MAP4K1: variants seen among roughly 807,000 people sequenced by gnomAD.
The protein encoded by MAP4K1 is MAPK/ERK kinase kinase kinase 1.
Under a neutral mutation model 122.8 loss-of-function variants are expected in MAP4K1, and 35 were observed. The ratio of observed to expected loss-of-function variants is 0.29; its 90% CI spans 0.22 to 0.38. The LOEUF (loss-of-function observed/expected upper bound fraction) is 0.38. MAP4K1 is among the 10% of genes least tolerant of loss of function. The pLI is 1.00. For missense variants in MAP4K1, 791 were observed against 1,072.6 expected (o/e 0.74, Z 3.67); for synonymous variants, 412 against 421.3 (o/e 0.98, Z 0.27).
rs374079126 is a variant in MAP4K1 at position 38,605,686 on chromosome 19, C to T, written c.1245G>A (p.Gly415=). 2.3e-4 allele frequency: 367 copies of T among 1,606,994 alleles called. No individual in the cohort carries two copies. Among genetic ancestry groups the T allele is most frequent in the Non-Finnish European group, 3.0e-4 (350 of 1,178,530 alleles). ...CCCCCGGGCTCAGCTGCCCATCATCCCCCATGCTCCCAGGACCCTCGTCTG... is the reference window on the plus strand; with the variant it reads ...CCCCCGGGCTCAGCTGCCCATCATCTCCCATGCTCCCAGGACCCTCGTCTG... The part of the protein sequence containing the change: ...SPSDEGPGSM[G]DDGQLSPGVL... The change falls in exon 18 of 31, where the codon GGG becomes GGA. Residue 415 remains glycine (G), a synonymous_variant. Coordinates refer to ENST00000396857, the MANE Select transcript of MAP4K1 (RefSeq NM_001042600.3).
At chr19:38,616,121 A>C in intron 4 of MAP4K1, 74 bp downstream of exon 4, 1 of 1,056,264 alleles carries the variant, frequency 9.5e-7, no homozygotes, top group Non-Finnish European at 1.4e-6. Context: ...CAGAGACGGA[A>C]GAGGTGAATT....
rs1380713950 is a variant in MAP4K1 at position 38,614,104 on chromosome 19, A to G, written c.418-19T>C. On this transcript the variant is annotated intron_variant, in intron 6 of 30. Transcript: ENST00000396857. ...TAGCTCCCTGGGAATGAGAGGGGAT[A>G]TGGGAGGCTGCAGAGACTCTCCCCA... 2 of 1,612,832 alleles carry G rather than the reference A, an allele frequency of 1.2e-6. No homozygotes were observed. Among genetic ancestry groups the G allele is most frequent in the South Asian group, 1.1e-5 (1 of 91,030 alleles).
At chr19:38,591,691 C>T (rs1974731874) in intron 30 of MAP4K1, among the ~76,000 whole-genome samples, 1 of 151,464 alleles carries the variant, frequency 6.6e-6, no homozygotes, top group Non-Finnish European at 1.5e-5. Context: ...GCAGCCAGGG[C>T]TGGGCACGGT....
chr19:38,601,079 T>C (rs1238484191), intron 20 of MAP4K1, among the ~76,000 whole-genome samples: 3 of 152,110 alleles, frequency 2.0e-5, no homozygotes, highest in Non-Finnish European at 4.4e-5. Flanking sequence ...GTGCTGGGAT[T>C]ACAGGCGTGA....
At position 38,597,890 on chromosome 19, in the gene MAP4K1, G is replaced by T. The variant is rs955973734; in HGVS notation, c.1670-296C>A. Among the ~76,000 whole-genome samples, 2 of 152,138 alleles carry T rather than the reference G, an allele frequency of 1.3e-5. No homozygotes were observed. Among genetic ancestry groups the T allele is most frequent in the African/African-American group, 2.4e-5 (1 of 41,432 alleles). On this transcript the variant is annotated intron_variant, in intron 22 of 30. Coordinates refer to ENST00000396857, the MANE Select transcript of MAP4K1 (RefSeq NM_001042600.3). This position sits in a 1 kb window ranked among gnomAD's most constrained non-coding sequence, Gnocchi z 4.6. ...ACTCTGGACACATAACCAGTCAGAT[G>T]AAGTTACACATCTTACAAAGTTTTA...
chr19:38,603,171 C>T (rs917211313), intron 19 of MAP4K1, among the ~76,000 whole-genome samples: 1 of 149,068 alleles, frequency 6.7e-6, no homozygotes, highest in East Asian at 2.0e-4. Context: ...TACATATATA[C>T]ACATGTACAT....
chr19:38,609,463 G>T, intron 13 of MAP4K1, 133 bp downstream of exon 13: 1 of 787,784 alleles, frequency 1.3e-6, no homozygotes, highest in Non-Finnish European at 2.1e-6. Flanking sequence ...TTCAGGTGCT[G>T]ATGAGATTGT....
rs780320926 is a variant in MAP4K1, at chr19:38,597,354, G to A, written c.1809C>T (p.Asp603=). ...RKNMVSTKIQ[D]TKGCRACCVA... is the part of the protein sequence containing the mutation. ...CACAGCACGCCCGGCAGCCTTTGGT[G>A]TCCTGGATCTTGGTGGAAACCATGT... Residue 603 remains aspartate (D), a synonymous_variant, in exon 24 of 31, where the codon GAC becomes GAT. Transcript: ENST00000396857. This position sits in a 1 kb window ranked among gnomAD's most constrained non-coding sequence, Gnocchi z 4.6. The A allele has an allele frequency of 6.2e-6, 10 of 1,614,074 alleles. No individual in the cohort carries two copies. Among genetic ancestry groups the A allele is most frequent in the Non-Finnish European group, 8.5e-6 (10 of 1,180,048 alleles).
In MAP4K1 at chr19:38,614,046, A is replaced by G. The variant is rs1308055897; in HGVS notation, c.457T>C (p.Leu153=). 5.7e-6 allele frequency: 9 copies of G among 1,571,408 alleles called. No homozygotes were observed. Among genetic ancestry groups the G allele is most frequent in the African/African-American group, 1.4e-5 (1 of 72,204 alleles). ...CTCAACCCCCAGCCTTACTCACCCA[A>G]TCTGACCTCCCCAGCATCATTGATG... The part of the protein sequence containing the change: ...ILINDAGEVR[L]ADFGISAQIG... The change falls in exon 7 of 31, where the codon TTG becomes CTG. Residue 153 remains leucine (L), a synonymous_variant. Coordinates refer to ENST00000396857, the MANE Select transcript of MAP4K1 (RefSeq NM_001042600.3).
rs1330255678 is a variant in MAP4K1 at position 38,612,631 on chromosome 19, G to C, written c.645C>G (p.Leu215=). 6.2e-7 allele frequency: 1 copy of C among 1,613,274 alleles called. No homozygotes were observed. Among genetic ancestry groups the C allele is most frequent in the Non-Finnish European group, 8.5e-7 (1 of 1,179,900 alleles). The change falls in exon 9 of 31, where the codon CTC becomes CTG. Residue 215 remains leucine, a synonymous_variant. Coordinates refer to ENST00000396857, the MANE Select transcript of MAP4K1 (RefSeq NM_001042600.3). Reference sequence around the variant, plus strand: ...CCTACCTGAGAGGGTGCACATCAAAGAGCGGTGGCTGTAGCTCGGCCAGTT... The same window carrying C: ...CCTACCTGAGAGGGTGCACATCAAACAGCGGTGGCTGTAGCTCGGCCAGTT... ...AIELAELQPP[L]FDVHPLRVLF...
chr19:38,602,619 CAT>C (rs1042207812), intron 19 of MAP4K1, among the ~76,000 whole-genome samples: 15 of 145,338 alleles, frequency 1.0e-4, no homozygotes, highest in East Asian at 2.0e-4. Flanking sequence ...TATATATACA[CAT>C]ATACATATAT....
intron 3 of MAP4K1, 95 bp from the exon 4 acceptor site, chr19:38,616,354 T>C: frequency 3.3e-6 from 3 of 896,968 alleles, no homozygotes; most frequent in Non-Finnish European, 5.1e-6. Flanking sequence ...TCTAGTTCAA[T>C]AAGAACTTTA....
Position 38,595,552 on chromosome 19 carries a change from A to G in MAP4K1, c.2273T>C (p.Met758Thr), listed in dbSNP as rs374399873. The change falls in exon 29 of 31, where the codon ATG (methionine) becomes ACG (threonine). Residue 758 changes from methionine (M) to threonine (T), a missense_variant. Met to Thr is a moderately conservative substitution (Grantham distance 81). Transcript: ENST00000396857. ...PMTEAVEAVA[M>T]VGGQLQAFWK... is the part of the protein sequence containing the mutation. Reference sequence around the variant, plus strand: ...GAAGGCCTGAAGCTGACCTCCAACCATAGCTGGGGAGAAAGCAATGCCCGT... The same window carrying G: ...GAAGGCCTGAAGCTGACCTCCAACCGTAGCTGGGGAGAAAGCAATGCCCGT... 3 of 1,613,902 alleles carry G rather than the reference A, an allele frequency of 1.9e-6. No homozygotes were observed. The highest frequency in any genetic ancestry group is 1.7e-5 in the Admixed American group (1 of 59,964).
At chr19:38,591,940 C>T (rs893740024) in intron 30 of MAP4K1, among the ~76,000 whole-genome samples, 4 of 146,736 alleles carry the variant, frequency 2.7e-5, no homozygotes, top group African/African-American at 1.0e-4. Context: ...CACCGCATTC[C>T]AGGCTGGGCA....
chr19:38,603,666 C>T (rs551042906), intron 19 of MAP4K1, among the ~76,000 whole-genome samples: 1 of 152,116 alleles, frequency 6.6e-6, no homozygotes, highest in African/African-American at 2.4e-5. Context: ...GAGACCCTGC[C>T]TCTATAAAAC....
intron 8 of MAP4K1, among the ~76,000 whole-genome samples, chr19:38,613,169 G>C (rs1030687046): frequency 5.3e-5 from 8 of 151,982 alleles, no homozygotes; most frequent in African/African-American, 1.7e-4. Flanking sequence ...TTAGCCGGGC[G>C]TGGTGGCAGG....
chr19:38,597,205 C>G lies in MAP4K1; in HGVS notation c.1838-68G>C. The G allele has an allele frequency of 6.3e-7, 1 of 1,596,784 alleles. No individual in the cohort carries two copies. The highest frequency in any genetic ancestry group is 1.7e-5 in the Admixed American group (1 of 59,994). On this transcript the variant is annotated intron_variant, in intron 24 of 30. Coordinates refer to ENST00000396857, the MANE Select transcript of MAP4K1 (RefSeq NM_001042600.3). The surrounding 1 kb of genome is among the most constrained non-coding windows in gnomAD (Gnocchi z 4.6). The stretch of plus-strand genomic sequence containing the variant: ...CCTCCTCGCCACCCACACTACCACC[C>G]ATCTTCTGGGTTCTGGACACATTGC...
intron 30 of MAP4K1, among the ~76,000 whole-genome samples, chr19:38,591,001 ATATACT>A (rs1568619469): frequency 6.6e-6 from 1 of 150,446 alleles, no homozygotes; most frequent in Non-Finnish European, 1.5e-5. Context: ...ACACACACAC[ATATACT>A]TGTATGTGTG....
chr19:38,600,799 ATTTT>A (rs560496607), intron 20 of MAP4K1, among the ~76,000 whole-genome samples: 9,593 of 90,126 alleles, frequency 0.11, 284 homozygotes, highest in South Asian at 0.29. Context: ...CCCTCTACCC[ATTTT>A]TTTTTTTTTT....
Sources: allele counts gnomAD v4.1 joint callset (sites outside exome capture counted in the v4.1 genomes callset), GRCh38; gene constraint gnomAD v4.1.1; non-coding constraint Gnocchi (gnomAD v3.1); transcripts MANE v1.5; gene names NCBI Gene and HGNC (gene_info 2026-07-23, HGNC 2026-07-21).